The following METTL22 variants were observed in gnomAD, a reference collection of about 807,000 sequenced individuals.
The protein encoded by METTL22 is methyltransferase 22, Kin17 lysine.
In METTL22, 51 loss-of-function variants were observed where a neutral mutation model predicts 48.4. The ratio of observed to expected loss-of-function variants is 1.05; its 90% CI spans 0.84 to 1.33. The LOEUF (loss-of-function observed/expected upper bound fraction) is 1.33, where lower values mean the gene tolerates loss of function less well. Among genes scored for constraint, METTL22 ranks in the 40% most tolerant of loss-of-function variants. METTL22 has a pLI of 0.00. For synonymous variants in METTL22, 255 were observed against 214.1 expected (o/e 1.19, Z -1.67); for missense variants, 678 against 526.9 (o/e 1.29, Z -2.81).
At chr16:8,657,715 A>G in the METTL22 span, among the ~76,000 whole-genome samples, 1 of 152,188 alleles carries the variant, frequency 6.6e-6, no homozygotes, top group Non-Finnish European at 1.5e-5. Context: ...CATTTGAGAA[A>G]GGGGTCTTTG....
Position 8,646,373 on chromosome 16 carries a change from G to T in METTL22, c.*230G>T. 1 of 701,580 alleles carries T rather than the reference G, an allele frequency of 1.4e-6. No homozygotes were observed. The highest frequency in any genetic ancestry group is 2.7e-5 in the East Asian group (1 of 36,580). 43.5% of individuals were successfully genotyped at this position (701,580 alleles called of 1,614,324 possible). A position where few individuals can be genotyped will look rare whatever the true frequency, so the allele number is the denominator to read the frequency against. On this transcript the variant is annotated 3_prime_UTR_variant, in exon 11 of 11. Transcript: ENST00000381920. Reference sequence around the variant, plus strand: ...GTCACTTTAGTTGCCTGTTTCTCATGGTTGTGATGTGTGCTCCAGGGTCAA... The same window carrying T: ...GTCACTTTAGTTGCCTGTTTCTCATTGTTGTGATGTGTGCTCCAGGGTCAA...
chr16:8,653,918 G>A (rs2056930909), downstream of METTL22, among the ~76,000 whole-genome samples: 1 of 152,096 alleles, frequency 6.6e-6, no homozygotes, highest in Non-Finnish European at 1.5e-5. Context: ...GAATTTTGTG[G>A]AAAGCCTGAC....
At chr16:8,630,391 G>A (rs1333802340) in intron 3 of METTL22, among the ~76,000 whole-genome samples, 1 of 152,178 alleles carries the variant, frequency 6.6e-6, no homozygotes, top group Non-Finnish European at 1.5e-5. Context: ...GCTCAGCGAG[G>A]TTGAGGAACT....
chr16:8,636,767 T>C (rs2056437633), intron 5 of METTL22, among the ~76,000 whole-genome samples: 1 of 152,210 alleles, frequency 6.6e-6, no homozygotes, highest in Non-Finnish European at 1.5e-5. Context: ...ATGAACATCT[T>C]TGTGTATCGT....
At chr16:8,662,688 C>G in the METTL22 span, among the ~76,000 whole-genome samples, 1 of 143,738 alleles carries the variant, frequency 7.0e-6, no homozygotes, top group South Asian at 2.3e-4. Context: ...AGAGCCTTCC[C>G]CCAGCACCCC....
At chr16:8,644,993 G>A (rs914408023) in intron 10 of METTL22, 1 of 284,050 alleles carries the variant, frequency 3.5e-6, no homozygotes, top group Non-Finnish European at 6.5e-6. Flanking sequence ...GGACAGTTCA[G>A]ACTCCAGAGG....
chr16:8,629,014 C>T lies in METTL22; in HGVS notation c.418C>T (p.Leu140=), dbSNP rs1220558560. 1 of 1,614,126 alleles carries T rather than the reference C, an allele frequency of 6.2e-7. No homozygotes were observed. Among genetic ancestry groups the T allele is most frequent in the Admixed American group, 1.7e-5 (1 of 60,032 alleles). ...AASDSNPAGP[L]RDKVHPMILA... ...CTCTGATTCCAACCCAGCAGGGCCT[C>T]TGAGAGACAAGGTACATCCCATGAT... Residue 140 remains leucine (L), a synonymous_variant, in exon 3 of 11, where the codon CTG becomes TTG. Coordinates refer to ENST00000381920, the MANE Select transcript of METTL22 (RefSeq NM_024109.4).
chr16:8,632,268 C>A (rs528661198), intron 3 of METTL22: 1 of 152,330 alleles, frequency 6.6e-6, no homozygotes, highest in South Asian at 2.1e-4. Flanking sequence ...TCAATTCGCC[C>A]TGGTGTTTTC....
rs116283252 is a variant in METTL22 at position 8,629,078 on chromosome 16, C to T, written c.482C>T (p.Ala161Val). Residue 161 changes from alanine (A) to valine (V), a missense_variant, in exon 3 of 11, where the codon GCA becomes GTA. Coordinates refer to ENST00000381920, the MANE Select transcript of METTL22 (RefSeq NM_024109.4). ...GAAGACGACGTCCTGGGAGAGGAAG[C>T]ACAAGGCAGCCCGCACGATATCATC... is the stretch of plus-strand genomic sequence containing the variant. The part of the protein sequence containing the change: ...QEEDDVLGEE[A>V]QGSPHDIIRI... 8.0e-4 allele frequency: 1,290 copies of T among 1,613,644 alleles called. 8 individuals are homozygous for T. The African/African-American group carries it at 0.015, about 19-fold the overall frequency.
intron 2 of METTL22, among the ~76,000 whole-genome samples, chr16:8,627,768 C>T (rs1263175313): frequency 2.6e-5 from 4 of 152,136 alleles, no homozygotes; most frequent in Non-Finnish European, 4.4e-5. Context: ...TTTTATGAGA[C>T]AGGGTCTCAT....
At chr16:8,630,795 G>T (rs1233409502) in intron 3 of METTL22, among the ~76,000 whole-genome samples, 1 of 152,196 alleles carries the variant, frequency 6.6e-6, no homozygotes, top group African/African-American at 2.4e-5. Context: ...TTTTTCAGCT[G>T]TCAGTCACTC....
At chr16:8,666,735 C>T in the METTL22 span, 1 of 151,874 alleles carries the variant, frequency 6.6e-6, no homozygotes, top group Non-Finnish European at 1.5e-5. Context: ...GAGGATATAA[C>T]CATTCTGCCA....
intron 3 of METTL22, among the ~76,000 whole-genome samples, chr16:8,630,233 C>T (rs1211029053): frequency 6.6e-6 from 1 of 152,200 alleles, no homozygotes; most frequent in East Asian, 1.9e-4. Context: ...ACGGTGGTAC[C>T]AAGCAGCCTC....
Position 8,646,983 on chromosome 16 carries a change from T to G in METTL22, c.*840T>G. On this transcript the variant is annotated 3_prime_UTR_variant, in exon 11 of 11. Coordinates refer to ENST00000381920, the MANE Select transcript of METTL22 (RefSeq NM_024109.4). ...TCTCTCTCCTTCTCTCCAGTTTTGGTCCCATCTTCCTGCTACCCTTGGCCC... is the reference window on the plus strand; with the variant it reads ...TCTCTCTCCTTCTCTCCAGTTTTGGGCCCATCTTCCTGCTACCCTTGGCCC... The G allele has an allele frequency of 3.0e-6, 1 of 328,394 alleles. No individual in the cohort carries two copies. Among genetic ancestry groups the G allele is most frequent in the Non-Finnish European group, 6.0e-6 (1 of 166,614 alleles). 20.3% of individuals were successfully genotyped at this position (328,394 alleles called of 1,614,324 possible). A position where few individuals can be genotyped will look rare whatever the true frequency, so the allele number is the denominator to read the frequency against.
the METTL22 span, among the ~76,000 whole-genome samples, chr16:8,656,165 C>T: frequency 2.0e-4 from 30 of 152,262 alleles, no homozygotes; most frequent in African/African-American, 6.7e-4. Flanking sequence ...ACCACGGCCT[C>T]GAACTGCTTG....
chr16:8,639,487 T>G, intron 6 of METTL22: 1 of 358,148 alleles, frequency 2.8e-6, no homozygotes, highest in Non-Finnish European at 5.3e-6. Flanking sequence ...AGAGTGCCCT[T>G]TCTCAGATGC....
At chr16:8,626,956 A>G (rs933024657) in intron 2 of METTL22, among the ~76,000 whole-genome samples, 6 of 151,820 alleles carry the variant, frequency 4.0e-5, no homozygotes, top group African/African-American at 1.5e-4. Flanking sequence ...TTTGGTAGAC[A>G]CAGGGTTTCA....
chr16:8,642,577 G>A lies in METTL22; in HGVS notation c.1010+12G>A, dbSNP rs770518734. 16 of 1,612,876 alleles carry A rather than the reference G, an allele frequency of 9.9e-6. No individual in the cohort carries two copies. Among genetic ancestry groups the A allele is most frequent in the Non-Finnish European group, 1.3e-5 (15 of 1,178,886 alleles). On this transcript the variant is annotated intron_variant, in intron 9 of 10. Transcript: ENST00000381920. ...TCGGTGGAGAAGAGGTGAGCTTTGC[G>A]CCACGGGAACCGTGCTGACGTCCCG...
In METTL22 at chr16:8,646,334, G is replaced by C; in HGVS notation, c.*191G>C. ...CCAGTTGTAGCCAGAGAAGGTTGTT[G>C]CTGTGGGCTGGAGGTCACTTTAGTT... is the stretch of plus-strand genomic sequence containing the variant. On this transcript the variant is annotated 3_prime_UTR_variant, in exon 11 of 11. Coordinates refer to ENST00000381920, the MANE Select transcript of METTL22 (RefSeq NM_024109.4). 1 of 772,122 alleles carries C rather than the reference G, an allele frequency of 1.3e-6. No homozygotes were observed. The highest frequency in any genetic ancestry group is 2.2e-6 in the Non-Finnish European group (1 of 448,574). The allele number at this position is 772,122 out of a possible 1,614,324, so 47.8% of individuals were successfully genotyped here.
Sources: allele counts gnomAD v4.1 joint callset (sites outside exome capture counted in the v4.1 genomes callset), GRCh38; gene constraint gnomAD v4.1.1; transcripts MANE v1.5; gene names NCBI Gene and HGNC (gene_info 2026-07-23, HGNC 2026-07-21).